Variants in ASRGL1 observed in about 807,000 individuals in gnomAD.
ASRGL1 encodes the protein asparaginase and isoaspartyl peptidase 1.
A neutral mutation model predicts 22.4 loss-of-function variants in ASRGL1; 16 were observed. The observed-to-expected ratio is 0.71, with a 90% CI of 0.48 to 1.08. The LOEUF (loss-of-function observed/expected upper bound fraction) is 1.08, where lower values mean the gene tolerates loss of function less well. Among genes scored for constraint, ASRGL1 ranks in the 50% least tolerant of loss-of-function variants. The pLI, the probability that ASRGL1 is intolerant of heterozygous loss-of-function variation, is 0.00. For missense variants in ASRGL1, 412 were observed against 410.1 expected, an observed-to-expected ratio of 1.00 and a Z score of -0.04; for synonymous variants, 165 against 159.3, an observed-to-expected ratio of 1.04 and a Z score of -0.27.
chr11:62,372,515 A>T, intron 4 of ASRGL1: 2 of 1,084,408 alleles, frequency 1.8e-6, no homozygotes, highest in East Asian at 2.4e-5. Flanking sequence ...CAGCAGATAG[A>T]GTATGACTGC....
chr11:62,338,123 A>G lies in ASRGL1; in HGVS notation c.146A>G (p.Glu49Gly). The change falls in exon 2 of 7, where the codon GAG (glutamate) becomes GGG (glycine). Residue 49 changes from glutamate (E) to glycine (G), a missense_variant. Glu to Gly is a moderately conservative substitution (Grantham distance 98, BLOSUM62 -2). Transcript: ENST00000415229. The stretch of plus-strand genomic sequence containing the variant: ...GGCGGGAGCGCCGTGGATGCCGTAG[A>G]GGGAGCTGTCGTCGCCCTGGAAGAC... ...REGGSAVDAV[E>G]GAVVALEDDP... The G allele has an allele frequency of 6.2e-7, 1 of 1,603,464 alleles. No homozygotes were observed. Among genetic ancestry groups the G allele is most frequent in the Non-Finnish European group, 8.5e-7 (1 of 1,175,414 alleles).
intron 4 of ASRGL1, among the ~76,000 whole-genome samples, chr11:62,362,551 A>T (rs374243918): frequency 0.093 from 1,097 of 11,740 alleles, 20 homozygotes; most frequent in East Asian, 0.16. Context: ...AAAATATATA[A>T]CATATATTAT....
the ASRGL1 span, among the ~76,000 whole-genome samples, chr11:62,398,680 G>T: frequency 9.9e-5 from 15 of 152,242 alleles, no homozygotes; most frequent in South Asian, 2.9e-3. Context: ...CCCGCTAGCG[G>T]CGGCGGCTCA....
chr11:62,348,024 T>C (rs1017335779), intron 2 of ASRGL1, among the ~76,000 whole-genome samples: 10 of 152,214 alleles, frequency 6.6e-5, no homozygotes, highest in Admixed American at 1.3e-4. Context: ...TAAACTGATA[T>C]GGTAGACATT....
At chr11:62,371,420 T>A (rs1259517814) in intron 4 of ASRGL1, 7 of 576,642 alleles carry the variant, frequency 1.2e-5, no homozygotes, top group Non-Finnish European at 2.1e-5. Flanking sequence ...AAGAAGCACG[T>A]CAAACTTGAG....
At chr11:62,371,945 C>G (rs1365054796) in intron 4 of ASRGL1, 7 of 585,580 alleles carry the variant, frequency 1.2e-5, no homozygotes, top group Non-Finnish European at 1.5e-5. Flanking sequence ...CAGAGCAAGA[C>G]TCCGTCTCAA....
At chr11:62,371,098 C>G (rs1056274846) in intron 4 of ASRGL1, 6 of 674,884 alleles carry the variant, frequency 8.9e-6, no homozygotes, top group Non-Finnish European at 1.3e-5. Context: ...TTCCTTTTTT[C>G]TCTCTGGTTT....
At chr11:62,397,042 T>A (rs1314233828), downstream of ASRGL1, among the ~76,000 whole-genome samples, 3 of 152,180 alleles carry the variant, frequency 2.0e-5, no homozygotes, top group African/African-American at 7.2e-5. Context: ...TTTGTTTGTT[T>A]TTTTTGAGAC....
At position 62,357,149 on chromosome 11, in the gene ASRGL1, G is replaced by C. The variant is rs1312522403; in HGVS notation, c.491+5G>C. ...TCAGAAAACAGATTGTCAAAAGTAA[G>C]TCTTACCTGTGGCTCGCATTATTTG... On this transcript the variant is annotated splice_donor_5th_base_variant and intron_variant, in intron 4 of 6. Transcript: ENST00000415229. 1.2e-6 allele frequency: 2 copies of C among 1,611,562 alleles called. No homozygotes were observed. Among genetic ancestry groups the C allele is most frequent in the East Asian group, 2.2e-5 (1 of 44,872 alleles).
At chr11:62,389,394 A>G (rs754305581) in intron 5 of ASRGL1, 143 bp downstream of exon 5, 10 of 848,556 alleles carry the variant, frequency 1.2e-5, no homozygotes, top group Non-Finnish European at 1.8e-5. Flanking sequence ...GGGAGTGACA[A>G]TGGGGTTGGA....
In ASRGL1 at chr11:62,362,673, T is replaced by C. The variant is rs1338230000; in HGVS notation, c.491+5529T>C. 7.4e-5 allele frequency among the ~76,000 whole-genome samples: 7 copies of C among 95,124 alleles called. 1 individual carries two copies. The South Asian group carries it at 1.5e-3, about 21-fold the overall frequency. 62.4% of individuals were successfully genotyped at this position (95,124 alleles called of 152,430 possible). On this transcript the variant is annotated intron_variant, in intron 4 of 6. Transcript: ENST00000415229. ...TATATATTATATAAAATATATAATATATATTATATAAAATATATATTATAT... is the reference window on the plus strand; with the variant it reads ...TATATATTATATAAAATATATAATACATATTATATAAAATATATATTATAT...
downstream of ASRGL1, among the ~76,000 whole-genome samples, chr11:62,395,392 C>T (rs1290532766): frequency 6.6e-6 from 1 of 152,076 alleles, no homozygotes; most frequent in Non-Finnish European, 1.5e-5. Flanking sequence ...GGCCCTGAGC[C>T]AAGGCCAAGT....
At chr11:62,361,784 C>G (rs1439242594) in intron 4 of ASRGL1, among the ~76,000 whole-genome samples, 1 of 152,052 alleles carries the variant, frequency 6.6e-6, no homozygotes, top group African/African-American at 2.4e-5. Context: ...CTGTGCCCAG[C>G]CCAAAGTTTT....
chr11:62,347,227 A>G (rs1364425020), intron 2 of ASRGL1, among the ~76,000 whole-genome samples: 1 of 152,166 alleles, frequency 6.6e-6, no homozygotes, highest in Non-Finnish European at 1.5e-5. Context: ...TCATCAGTCT[A>G]TAGTCCTCAG....
chr11:62,358,320 A>G (rs1004713880), intron 4 of ASRGL1, among the ~76,000 whole-genome samples: 2 of 149,522 alleles, frequency 1.3e-5, no homozygotes, highest in Non-Finnish European at 3.0e-5. Flanking sequence ...CGGTGAGCCA[A>G]GATCCCACCA....
chr11:62,369,625 C>T (rs1946711703), intron 4 of ASRGL1, among the ~76,000 whole-genome samples: 5 of 152,080 alleles, frequency 3.3e-5, no homozygotes, highest in Admixed American at 3.3e-4. Context: ...ACCCAAGTGA[C>T]AGGGTTAAGA....
At chr11:62,383,437 A>G (rs1441923025) in intron 4 of ASRGL1, among the ~76,000 whole-genome samples, 1 of 149,368 alleles carries the variant, frequency 6.7e-6, no homozygotes, top group Non-Finnish European at 1.5e-5. Context: ...CCCCGTCTCT[A>G]CTAACAATAC....
At chr11:62,370,604 C>G (rs929947713) in intron 4 of ASRGL1, among the ~76,000 whole-genome samples, 2 of 152,116 alleles carry the variant, frequency 1.3e-5, no homozygotes, top group African/African-American at 4.8e-5. Context: ...TTCTGTTTGT[C>G]TAAACTTTCT....
chr11:62,364,991 C>T (rs1057347751), intron 4 of ASRGL1, among the ~76,000 whole-genome samples: 7 of 151,194 alleles, frequency 4.6e-5, no homozygotes, highest in African/African-American at 1.7e-4. Flanking sequence ...ATCGCTTGAA[C>T]CTAGGAGGCA....
Sources: gnomAD v4.1 joint callset for allele counts (sites outside exome capture counted in the v4.1 genomes callset) on GRCh38, gnomAD v4.1.1 for gene constraint, MANE v1.5 for transcripts, NCBI Gene and HGNC (gene_info 2026-07-23, HGNC 2026-07-21) for gene names.